The following PGK1 variants were observed in gnomAD, a reference collection of about 807,000 sequenced individuals.
PGK1 encodes the protein PRP 2.
A neutral mutation model predicts 26.9 loss-of-function variants in PGK1; 3 were observed. The ratio of observed to expected loss-of-function variants is 0.11; its 90% CI spans 0.05 to 0.29. PGK1 has a LOEUF of 0.29. PGK1 is among the 10% of genes least tolerant of loss of function. PGK1 has a pLI of 1.00. For synonymous variants in PGK1, 125 were observed against 115.3 expected (o/e 1.08, Z -0.54); for missense variants, 270 against 314.7 (o/e 0.86, Z 1.07).
chrX:78,117,168 A>G, intron 4 of PGK1, 144 bp from the exon 5 acceptor site: 1 of 500,603 alleles, frequency 2.0e-6, no homozygotes, highest in East Asian at 3.7e-5. Context: ...GGAAGAAAGA[A>G]CACATCCTAC....
chrX:78,116,586 TCTC>T (rs1181598896), intron 4 of PGK1, among the ~76,000 whole-genome samples: 2 of 112,316 alleles, frequency 1.8e-5, no homozygotes, highest in Non-Finnish European at 3.8e-5. Context: ...CTTTGCTTAA[TCTC>T]CTGCCAGAGA....
At chrX:78,111,826 T>C (rs1291116629) in intron 2 of PGK1, among the ~76,000 whole-genome samples, 2 of 111,873 alleles carry the variant, frequency 1.8e-5, no homozygotes, top group Non-Finnish European at 3.8e-5. Context: ...TAAAGAAACA[T>C]GTTTGGAAAT....
At chrX:78,121,925 G>A (rs1295251935) in intron 6 of PGK1, among the ~76,000 whole-genome samples, 2 of 112,325 alleles carry the variant, frequency 1.8e-5, no homozygotes, top group Non-Finnish European at 3.8e-5. Context: ...CCCAGGCTGG[G>A]CATGGTGGCT....
Position 78,109,822 on chromosome X carries a change from G to C in PGK1, c.66-45G>C, listed in dbSNP as rs782012931. The C allele has an allele frequency of 3.2e-6, 3 of 936,437 alleles. No homozygotes were observed. The Admixed American group carries it at 6.6e-5, about 21-fold the overall frequency. The allele number at this position is 936,437 out of a possible 1,213,427, so 77.2% of individuals were successfully genotyped here. A position where few individuals can be genotyped will look rare whatever the true frequency, so the allele number is the denominator to read the frequency against. ...ATTAAAAATGCATCTCCTAGTCTTT[G>C]ATGGAACAGTAAGTTGATCATGGTC... On this transcript the variant is annotated intron_variant, in intron 1 of 10. Transcript: ENST00000373316.
chrX:78,107,746 A>G (rs1326445852), intron 1 of PGK1, among the ~76,000 whole-genome samples: 3 of 111,387 alleles, frequency 2.7e-5, no homozygotes, highest in Non-Finnish European at 5.7e-5. Context: ...TCATGGGTAA[A>G]CACCTAGGAG....
rs927088261 is a variant in PGK1, at chrX:78,104,280, T to A, written c.-61T>A. 2.3e-6 allele frequency: 2 copies of A among 879,007 alleles called. No homozygotes were observed. Among genetic ancestry groups the A allele is most frequent in the Admixed American group, 4.5e-5 (2 of 44,506 alleles). The allele number at this position is 879,007 out of a possible 1,213,427, so 72.4% of individuals were successfully genotyped here. ...ATTCTGCAAGCCTCCGGAGCGCACG[T>A]CGGCAGTCGGCTCCCTCGTTGACCG... On this transcript the variant is annotated 5_prime_UTR_variant, in exon 1 of 11. Transcript: ENST00000373316.
At chrX:78,125,240 G>T in intron 9 of PGK1, 87 bp from the exon 10 acceptor site, 1 of 801,657 alleles carries the variant, frequency 1.2e-6, no homozygotes. Context: ...CTTTTGGGTT[G>T]GGGAGCACAC....
chrX:78,113,389 T>C (rs2078310548), intron 2 of PGK1, among the ~76,000 whole-genome samples: 1 of 112,159 alleles, frequency 8.9e-6, no homozygotes, highest in African/African-American at 3.2e-5. Flanking sequence ...ATAGACGGTC[T>C]AGGAAGAGTG....
chrX:78,128,550 A>G lies in PGK1; in HGVS notation c.*2720A>G, dbSNP rs1462393342. The G allele has an allele frequency of 8.9e-6, 1 of 112,418 alleles. No homozygotes were observed. The highest frequency in any genetic ancestry group is 3.2e-5 in the African/African-American group (1 of 30,879). 9.3% of individuals were successfully genotyped at this position (112,418 alleles called of 1,213,427 possible). ...ACAGAGTGAGACTCTGCCTCAAAAC[A>G]AAAACCCCACAAAACAGTATAAGGA... On this transcript the variant is annotated 3_prime_UTR_variant, in exon 11 of 11. Transcript: ENST00000373316.
At position 78,114,149 on chromosome X, in the gene PGK1, T is replaced by C. The variant is rs1557247213; in HGVS notation, c.406T>C (p.Ser136Pro). 4 of 1,210,714 alleles carry C rather than the reference T, an allele frequency of 3.3e-6. No homozygotes were observed. The highest frequency in any genetic ancestry group is 4.5e-6 in the Non-Finnish European group (4 of 894,582). ...VEEEGKGKDASGNKVKAEPAK... is the reference protein window; with the variant it reads ...VEEEGKGKDAPGNKVKAEPAK... The stretch of plus-strand genomic sequence containing the variant: ...GGAAGAAGGGAAGGGAAAAGATGCT[T>C]CTGGGAACAAGGTAGGACCTGTGAT... The change falls in exon 4 of 11, where the codon TCT becomes CCT. Residue 136 changes from serine (S) to proline (P), a missense_variant. Coordinates refer to ENST00000373316, the MANE Select transcript of PGK1 (RefSeq NM_000291.4).
intron 10 of PGK1, 143 bp downstream of exon 10, chrX:78,125,568 T>G: frequency 3.7e-6 from 2 of 543,859 alleles, no homozygotes; most frequent in Non-Finnish European, 6.4e-6. Flanking sequence ...GAACTTCAGA[T>G]AAAGCTCCTG....
chrX:78,118,183 C>CT lies in PGK1; in HGVS notation c.641+16dup. ...CCATCCTGGGCGGGTATGAAGAACT[C>CT]TTTAAGATCATGCTTTAAGTATTGT... On this transcript the variant is annotated intron_variant, in intron 6 of 10. Transcript: ENST00000373316. The CT allele has an allele frequency of 8.3e-6, 10 of 1,209,597 alleles. No homozygotes were observed. Among genetic ancestry groups the CT allele is most frequent in the Non-Finnish European group, 1.1e-5 (10 of 893,672 alleles).
chrX:78,122,409 TTGTGTGTGTGTGTGTGTG>T (rs201442984), intron 6 of PGK1, among the ~76,000 whole-genome samples: 17 of 88,948 alleles, frequency 1.9e-4, no homozygotes, highest in Middle Eastern at 5.1e-3. Flanking sequence ...TGCTCTGAAT[TTGTGTGTGTGTGTGTGTG>T]TGTGTGTGTG....
At chrX:78,118,941 C>G (rs1277719770) in intron 6 of PGK1, among the ~76,000 whole-genome samples, 1 of 111,695 alleles carries the variant, frequency 9.0e-6, no homozygotes, top group African/African-American at 3.3e-5. Context: ...CAAGAAAGCT[C>G]CTTGATGTAG....
At chrX:78,104,564 T>C (rs1557245974) in intron 1 of PGK1, among the ~76,000 whole-genome samples, 159 bp downstream of exon 1, 1 of 110,952 alleles carries the variant, frequency 9.0e-6, no homozygotes, top group African/African-American at 3.3e-5. Context: ...GGTTTGGTGG[T>C]TTCTAGCCGC....
In PGK1 at chrX:78,117,350, T is replaced by G; in HGVS notation, c.456T>G (p.Ala152=). Residue 152 remains alanine (A), a synonymous_variant, in exon 5 of 11, where the codon GCT becomes GCG. Transcript: ENST00000373316. ...CAGCCAAAATAGAAGCTTTCCGAGC[T>G]TCACTTTCCAAGCTAGGGGATGTCT... The part of the protein sequence containing the change: ...AEPAKIEAFR[A]SLSKLGDVYV... The G allele has an allele frequency of 8.3e-7, 1 of 1,209,130 alleles. No homozygotes were observed. Among genetic ancestry groups the G allele is most frequent in the South Asian group, 1.8e-5 (1 of 56,934 alleles).
intron 8 of PGK1, among the ~76,000 whole-genome samples, chrX:78,124,145 T>C (rs1350693813): frequency 8.9e-6 from 1 of 112,001 alleles, no homozygotes; most frequent in Non-Finnish European, 1.9e-5. Context: ...GCTCCAAATA[T>C]CATTTTGATT....
rs1199807272 is a variant in PGK1 at position 78,129,237 on chromosome X, C to CTATCTATT, written c.*3414_*3415insTTATCTAT. 1 of 108,925 alleles carries CTATCTATT rather than the reference C, an allele frequency of 9.2e-6. No individual in the cohort carries two copies. Among genetic ancestry groups the CTATCTATT allele is most frequent in the Admixed American group, 9.8e-5 (1 of 10,155 alleles). 9.0% of individuals were successfully genotyped at this position (108,925 alleles called of 1,213,427 possible). On this transcript the variant is annotated 3_prime_UTR_variant, in exon 11 of 11. Transcript: ENST00000373316. ...TGTGTGTACCTATCTATCTATCTAT[C>CTATCTATT]TATCTATCTATCTATCTATCTATCT... is the stretch of plus-strand genomic sequence containing the variant.
At chrX:78,123,718 C>T (rs2078368457) in intron 8 of PGK1, among the ~76,000 whole-genome samples, 1 of 108,041 alleles carries the variant, frequency 9.3e-6, no homozygotes, top group African/African-American at 3.4e-5. Flanking sequence ...AAGTGATTCT[C>T]CTGCCTAACC....
Sources: allele counts gnomAD v4.1 joint callset (sites outside exome capture counted in the v4.1 genomes callset), GRCh38; gene constraint gnomAD v4.1.1; transcripts MANE v1.5; gene names NCBI Gene and HGNC (gene_info 2026-07-23, HGNC 2026-07-21).